The following CAMK1G variants were observed in gnomAD, a reference collection of about 807,000 sequenced individuals.
CAMK1G encodes calcium/calmodulin-dependent protein kinase type 1G.
In CAMK1G, 27 loss-of-function variants were observed where a neutral mutation model predicts 54.8. The ratio of observed to expected loss-of-function variants is 0.49; its 90% CI spans 0.36 to 0.68. The LOEUF (loss-of-function observed/expected upper bound fraction) is 0.68, where lower values mean the gene tolerates loss of function less well. CAMK1G is among the 30% of genes least tolerant of loss of function. The probability of loss-of-function intolerance (pLI) is 0.00; values close to 1 mark genes in which losing one functional copy is unlikely to be tolerated. For missense variants in CAMK1G, 512 were observed against 591.0 expected, an observed-to-expected ratio of 0.87 and a Z score of 1.39; for synonymous variants, 238 against 224.9, an observed-to-expected ratio of 1.06 and a Z score of -0.52.
chr1:209,585,009 A>G (rs928091625), intron 1 of CAMK1G, among the ~76,000 whole-genome samples: 1 of 152,202 alleles, frequency 6.6e-6, no homozygotes, highest in Non-Finnish European at 1.5e-5. Context: ...AGATGAGACC[A>G]TTGAAGCTTA....
intron 3 of CAMK1G, among the ~76,000 whole-genome samples, chr1:209,602,973 G>T (rs1665565150): frequency 6.6e-6 from 1 of 152,198 alleles, no homozygotes; most frequent in South Asian, 2.1e-4. Flanking sequence ...GGAAGTGTTT[G>T]TTTCCTGAAG....
intron 2 of CAMK1G, 108 bp downstream of exon 2, chr1:209,595,183 G>T: frequency 1.3e-6 from 1 of 775,504 alleles, no homozygotes; most frequent in South Asian, 1.6e-5. Flanking sequence ...AGGCTGCTGT[G>T]ACTTCATTTC....
At chr1:209,601,257 C>T (rs1249317331) in intron 3 of CAMK1G, among the ~76,000 whole-genome samples, 1 of 152,084 alleles carries the variant, frequency 6.6e-6, no homozygotes, top group African/African-American at 2.4e-5. Flanking sequence ...GTGGCAGAAT[C>T]ATATGTGCCT....
In CAMK1G at chr1:209,611,772, C is replaced by T. The variant is rs1370012750; in HGVS notation, c.916-20C>T. On this transcript the variant is annotated intron_variant, in intron 10 of 12. Transcript: ENST00000361322. ...CTCTGAGGTTGCAGAAGGCCAGAGG[C>T]TGCTCTTGTGTCTCCTTAGCAAGCC... is the stretch of plus-strand genomic sequence containing the variant. The T allele has an allele frequency of 4.4e-6, 7 of 1,609,020 alleles. No homozygotes were observed. The highest frequency in any genetic ancestry group is 2.2e-5 in the East Asian group (1 of 44,830).
chr1:209,587,206 G>A (rs1665124842), intron 1 of CAMK1G, among the ~76,000 whole-genome samples: 1 of 151,962 alleles, frequency 6.6e-6, no homozygotes, highest in African/African-American at 2.4e-5. Flanking sequence ...CCGTGAACTG[G>A]AAGTGAGTTC....
At chr1:209,607,994 T>G (rs1665691995) in intron 7 of CAMK1G, 61 bp downstream of exon 7, 2 of 1,338,206 alleles carry the variant, frequency 1.5e-6, no homozygotes, top group Admixed American at 1.9e-5. Flanking sequence ...TTACCCCTTC[T>G]CGTTCCCTCC....
At chr1:209,612,642 C>T in intron 11 of CAMK1G, 143 bp from the exon 12 acceptor site, 1 of 649,656 alleles carries the variant, frequency 1.5e-6, no homozygotes, top group Non-Finnish European at 2.7e-6. Flanking sequence ...TTTATCTTTT[C>T]TGCAGGTTCT....
At chr1:209,606,171 A>G in intron 5 of CAMK1G, 149 bp from the exon 6 acceptor site, 2 of 970,048 alleles carry the variant, frequency 2.1e-6, no homozygotes, top group Non-Finnish European at 3.1e-6. Flanking sequence ...GGGTGCAGGT[A>G]GGAGGAAGAA....
intron 4 of CAMK1G, 49 bp from the exon 5 acceptor site, chr1:209,605,487 C>A: frequency 6.3e-7 from 1 of 1,594,556 alleles, no homozygotes. Context: ...CTTCTCATTA[C>A]TTTGAGTGAA....
At chr1:209,595,198 T>A in intron 2 of CAMK1G, 123 bp downstream of exon 2, 1 of 699,480 alleles carries the variant, frequency 1.4e-6, no homozygotes, top group Non-Finnish European at 2.5e-6. Flanking sequence ...CATTTCGATT[T>A]ATTTAAGGGA....
chr1:209,586,553 C>T (rs915788716), intron 1 of CAMK1G, among the ~76,000 whole-genome samples: 3 of 152,132 alleles, frequency 2.0e-5, no homozygotes, highest in Non-Finnish European at 4.4e-5. Context: ...GTCCTGTGCT[C>T]ACCCTGTTTA....
intron 5 of CAMK1G, 34 bp downstream of exon 5, chr1:209,605,708 T>A (rs770719360): frequency 3.1e-6 from 5 of 1,600,782 alleles, no homozygotes; most frequent in Non-Finnish European, 3.4e-6. Flanking sequence ...GGGAAACAGA[T>A]AATGACCCTT....
At chr1:209,605,765 A>G (rs558402094) in intron 5 of CAMK1G, 91 bp downstream of exon 5, 14 of 1,353,816 alleles carry the variant, frequency 1.0e-5, no homozygotes, top group Admixed American at 2.0e-5. Context: ...ATAAAGTAAG[A>G]GGGTTGGACT....
intron 2 of CAMK1G, among the ~76,000 whole-genome samples, chr1:209,599,743 T>A (rs1237986949): frequency 6.6e-6 from 1 of 152,242 alleles, no homozygotes; most frequent in Non-Finnish European, 1.5e-5. Context: ...GATATTTCAC[T>A]TGGGTGTTAT....
At position 209,595,042 on chromosome 1, in the gene CAMK1G, G is replaced by T; in HGVS notation, c.59G>T (p.Arg20Leu). The T allele has an allele frequency of 1.9e-6, 3 of 1,614,010 alleles. No homozygotes were observed. The highest frequency in any genetic ancestry group is 2.5e-6 in the Non-Finnish European group (3 of 1,179,952). The change falls in exon 2 of 13, where the codon CGG (arginine) becomes CTG (leucine). Residue 20 changes from arginine (R) to leucine (L), a missense_variant. Around this residue, in one of 3 missense-constraint regions of CAMK1G, gnomAD observed 186 missense variants for 231.5 expected, o/e 0.80. Transcript: ENST00000361322. ...SSWKKQTTNI[R>L]KTFIFMEVLG... The stretch of plus-strand genomic sequence containing the variant: ...TGGAAGAAACAGACCACCAACATCC[G>T]GAAAACCTTCATTTTTATGGAAGTG...
At chr1:209,587,129 G>T (rs1167208877) in intron 1 of CAMK1G, among the ~76,000 whole-genome samples, 1 of 151,996 alleles carries the variant, frequency 6.6e-6, no homozygotes, top group Non-Finnish European at 1.5e-5. Context: ...CCAGCCAGAA[G>T]CTTCCTGAAG....
At chr1:209,600,588 G>A (rs749728456) in intron 3 of CAMK1G, among the ~76,000 whole-genome samples, 9 of 152,246 alleles carry the variant, frequency 5.9e-5, no homozygotes, top group Non-Finnish European at 2.9e-5. Context: ...TACCAAAAGT[G>A]TATTAGGCAC....
At chr1:209,589,946 A>C (rs1390194477) in intron 1 of CAMK1G, among the ~76,000 whole-genome samples, 2 of 152,296 alleles carry the variant, frequency 1.3e-5, no homozygotes, top group African/African-American at 2.4e-5. Flanking sequence ...ATTCTTGAGA[A>C]TCTTGCTGTG....
chr1:209,594,898 G>C, intron 1 of CAMK1G, 57 bp from the exon 2 acceptor site: 1 of 1,004,710 alleles, frequency 1.0e-6, no homozygotes, highest in South Asian at 1.6e-5. Flanking sequence ...AATCTTGTTT[G>C]AGAAAGCAGC....
Sources: allele counts gnomAD v4.1 joint callset (sites outside exome capture counted in the v4.1 genomes callset), GRCh38; gene constraint gnomAD v4.1.1; regional missense constraint gnomAD v4.1.1; transcripts MANE v1.5; gene names NCBI Gene and HGNC (gene_info 2026-07-23, HGNC 2026-07-21).